NOC3L: variants seen among roughly 807,000 people sequenced by gnomAD.
The protein encoded by NOC3L is nucleolar complex protein 3 homolog.
Under a neutral mutation model 102.5 loss-of-function variants are expected in NOC3L, and 85 were observed. The observed-to-expected ratio is 0.83, with a 90% CI of 0.70 to 0.99. NOC3L has a LOEUF of 0.99. Ranked by LOEUF, NOC3L falls within the 50% of genes least tolerant of loss-of-function variation. NOC3L has a pLI of 0.00. For missense variants in NOC3L, 878 were observed against 914.9 expected (o/e 0.96, Z 0.52); for synonymous variants, 303 against 309.4 (o/e 0.98, Z 0.22).
Position 94,362,804 on chromosome 10 carries a change from G to A in NOC3L, c.9+26C>T, listed in dbSNP as rs369092828. The A allele has an allele frequency of 8.1e-6, 13 of 1,613,900 alleles. 1 individual carries two copies. Among genetic ancestry groups the A allele is most frequent in the South Asian group, 3.3e-5 (3 of 91,094 alleles). On this transcript the variant is annotated intron_variant, in intron 1 of 20. Transcript: ENST00000371361. ...TCACCCGAAGGGGCCCTAGGCCGCGGCGACCGGGCTTTTGAGGACACTTAC... is the reference window on the plus strand; with the variant it reads ...TCACCCGAAGGGGCCCTAGGCCGCGACGACCGGGCTTTTGAGGACACTTAC...
chr10:94,346,564 T>C lies in NOC3L; in HGVS notation c.1258-8A>G, dbSNP rs371759169. 7 of 1,336,866 alleles carry C rather than the reference T, an allele frequency of 5.2e-6. No individual in the cohort carries two copies. Among genetic ancestry groups the C allele is most frequent in the Non-Finnish European group, 7.0e-6 (7 of 998,042 alleles). The allele number at this position is 1,336,866 out of a possible 1,614,324, so 82.8% of individuals were successfully genotyped here. ...TAAAAATGTTTTTAACATCTAATAT[T>C]GGAAAAAAAACACAAATATACAGCT... On this transcript the variant is annotated splice_region_variant and splice_polypyrimidine_tract_variant and intron_variant, in intron 10 of 20. Coordinates refer to ENST00000371361, the MANE Select transcript of NOC3L (RefSeq NM_022451.11).
chr10:94,346,065 A>C (rs181330260), intron 11 of NOC3L, among the ~76,000 whole-genome samples: 3 of 152,352 alleles, frequency 2.0e-5, no homozygotes, highest in Admixed American at 1.3e-4. Flanking sequence ...ACCAACAAAG[A>C]AACAAGATTC....
chr10:94,317,742 T>C, the NOC3L span, among the ~76,000 whole-genome samples: 625 of 152,204 alleles, frequency 4.1e-3, 2 homozygotes, highest in Non-Finnish European at 5.3e-3. Flanking sequence ...ACTTTTTTTT[T>C]TCCCTGAATT....
At chr10:94,337,077 A>G (rs2054227769) in intron 19 of NOC3L, among the ~76,000 whole-genome samples, 1 of 151,934 alleles carries the variant, frequency 6.6e-6, no homozygotes, top group Non-Finnish European at 1.5e-5. Context: ...TCAAAAAAAA[A>G]AAAAAAAAGT....
intron 2 of NOC3L, among the ~76,000 whole-genome samples, chr10:94,358,726 C>A (rs1242265598): frequency 6.6e-6 from 1 of 152,214 alleles, no homozygotes; most frequent in Non-Finnish European, 1.5e-5. Flanking sequence ...ATCCTTCCAG[C>A]TCCCATTCAG....
At chr10:94,357,445 G>C in intron 3 of NOC3L, 114 bp from the exon 4 acceptor site, 1 of 782,422 alleles carries the variant, frequency 1.3e-6, no homozygotes, top group South Asian at 3.5e-5. Context: ...TAGGTATATG[G>C]ATAGTAGCAC....
At chr10:94,354,622 C>T (rs937874123) in intron 6 of NOC3L, among the ~76,000 whole-genome samples, 6 of 152,146 alleles carry the variant, frequency 3.9e-5, no homozygotes, top group South Asian at 4.1e-4. Flanking sequence ...AAAAACTCCA[C>T]GGGTATGTCA....
At chr10:94,344,563 T>C in intron 12 of NOC3L, 48 bp from the exon 13 acceptor site, 4 of 1,278,520 alleles carry the variant, frequency 3.1e-6, no homozygotes, top group Non-Finnish European at 4.5e-6. Flanking sequence ...CTGGTATGCT[T>C]TCTCCTGAGT....
In NOC3L at chr10:94,334,021, C is replaced by G. The variant is rs2054188751; in HGVS notation, c.*156G>C. 2 of 523,352 alleles carry G rather than the reference C, an allele frequency of 3.8e-6. No homozygotes were observed. The highest frequency in any genetic ancestry group is 1.9e-5 in the African/African-American group (1 of 51,506). 32.4% of individuals were successfully genotyped at this position (523,352 alleles called of 1,614,324 possible). ...TGACATATTCAGAATAGGGGCAGAA[C>G]CCTGTGCCATGCAAAGGGTCATTCT... On this transcript the variant is annotated 3_prime_UTR_variant, in exon 21 of 21. Coordinates refer to ENST00000371361, the MANE Select transcript of NOC3L (RefSeq NM_022451.11).
chr10:94,340,143 T>C lies in NOC3L; in HGVS notation c.1780+133A>G, dbSNP rs1314043574. On this transcript the variant is annotated intron_variant, in intron 16 of 20. Coordinates refer to ENST00000371361, the MANE Select transcript of NOC3L (RefSeq NM_022451.11). Reference sequence around the variant, plus strand: ...TCTCCAAGTCTTACATAAGATTAAATACAGATGCATGGCACTGGAAAGTCA... The same window carrying C: ...TCTCCAAGTCTTACATAAGATTAAACACAGATGCATGGCACTGGAAAGTCA... The C allele has an allele frequency of 1.0e-4, 85 of 813,378 alleles. No individual in the cohort carries two copies. The East Asian group carries it at 2.1e-3, about 20-fold the overall frequency. 50.4% of individuals were successfully genotyped at this position (813,378 alleles called of 1,614,324 possible).
intron 16 of NOC3L, 53 bp downstream of exon 16, chr10:94,340,223 A>G: frequency 6.9e-7 from 1 of 1,442,744 alleles, no homozygotes; most frequent in Non-Finnish European, 9.6e-7. Flanking sequence ...GGGTCATAAC[A>G]TATTCTTAAA....
At position 94,353,075 on chromosome 10, in the gene NOC3L, T is replaced by G; in HGVS notation, c.697-18A>C. 1 of 1,578,978 alleles carries G rather than the reference T, an allele frequency of 6.3e-7. No individual in the cohort carries two copies. The highest frequency in any genetic ancestry group is 8.6e-7 in the Non-Finnish European group (1 of 1,162,866). On this transcript the variant is annotated intron_variant, in intron 6 of 20. Coordinates refer to ENST00000371361, the MANE Select transcript of NOC3L (RefSeq NM_022451.11). ...TTTTTAATCTGTTAAAGAAATAGCT[T>G]ATAAAGCTGGAGAAATCATGACGAA... is the stretch of plus-strand genomic sequence containing the variant.
chr10:94,356,685 G>C, intron 4 of NOC3L, 94 bp from the exon 5 acceptor site: 1 of 769,930 alleles, frequency 1.3e-6, no homozygotes, highest in African/African-American at 1.7e-5. Flanking sequence ...TAAAACTCAG[G>C]ATAGCAGTTA....
chr10:94,360,566 G>C (rs964812168), intron 2 of NOC3L, among the ~76,000 whole-genome samples: 2 of 152,092 alleles, frequency 1.3e-5, no homozygotes, highest in African/African-American at 4.8e-5. Flanking sequence ...GCTGGGAAAG[G>C]CAGTTGGAGG....
chr10:94,317,950 T>G, the NOC3L span, among the ~76,000 whole-genome samples: 1 of 152,170 alleles, frequency 6.6e-6, no homozygotes, highest in Non-Finnish European at 1.5e-5. Flanking sequence ...TAATAGTGCT[T>G]GCCTGATAGA....
In NOC3L at chr10:94,358,190, C is replaced by G; in HGVS notation, c.243G>C (p.Glu81Asp). 1 of 1,571,118 alleles carries G rather than the reference C, an allele frequency of 6.4e-7. No homozygotes were observed. The highest frequency in any genetic ancestry group is 8.7e-7 in the Non-Finnish European group (1 of 1,144,490). Residue 81 changes from glutamate (E) to aspartate (D), a missense_variant, in exon 3 of 21, where the codon GAG (glutamate) becomes GAC (aspartate). By Grantham distance (45) the Glu-to-Asp change is conservative. Coordinates refer to ENST00000371361, the MANE Select transcript of NOC3L (RefSeq NM_022451.11). ...CTAAAGGAAGGGCTTCTTCTTCTTC[C>G]TCTTCTTCCCTCTCAATCCTTTTAC... is the stretch of plus-strand genomic sequence containing the variant. ...RPGKRIEREE[E>D]EEEEALPLDM...
chr10:94,340,492 A>C lies in NOC3L; in HGVS notation c.1649T>G (p.Leu550Arg). The C allele has an allele frequency of 1.1e-6, 1 of 883,060 alleles. No homozygotes were observed. The highest frequency in any genetic ancestry group is 1.7e-6 in the Non-Finnish European group (1 of 585,664). The allele number at this position is 883,060 out of a possible 1,614,324, so 54.7% of individuals were successfully genotyped here. ...ACAGTGAAGACTTTCTTGATAGCTT[A>C]GGTCCTTTAAAAAAAAAAGGGGGGG... is the stretch of plus-strand genomic sequence containing the variant. ...VLHTLIESGD[L>R]SYQESLHCVQ... The change falls in exon 15 of 21, where the codon CTA becomes CGA. Residue 550 changes from leucine to arginine, a missense_variant. Transcript: ENST00000371361.
intron 18 of NOC3L, among the ~76,000 whole-genome samples, 160 bp from the exon 19 acceptor site, chr10:94,338,034 A>G (rs771476331): frequency 3.1e-4 from 47 of 152,250 alleles, no homozygotes; most frequent in Admixed American, 1.0e-3. Context: ...CACAGAAAGA[A>G]TATTATCTTT....
At chr10:94,348,172 T>G (rs559400048) in intron 10 of NOC3L, among the ~76,000 whole-genome samples, 8 of 149,848 alleles carry the variant, frequency 5.3e-5, no homozygotes, top group Non-Finnish European at 1.2e-4. Flanking sequence ...ATATATTCAT[T>G]ACATATATTA....
Sources: gnomAD v4.1 joint callset for allele counts (sites outside exome capture counted in the v4.1 genomes callset) on GRCh38, gnomAD v4.1.1 for gene constraint, MANE v1.5 for transcripts, NCBI Gene and HGNC (gene_info 2026-07-23, HGNC 2026-07-21) for gene names.